The following CALN1 variants were observed in gnomAD, a reference collection of about 807,000 sequenced individuals.
CALN1 encodes the protein calcium-binding protein 8.
CALN1 carries 17 observed loss-of-function variants against 30.6 expected under a neutral mutation model. The observed-to-expected ratio is 0.56, with a 90% CI of 0.38 to 0.83. The LOEUF (loss-of-function observed/expected upper bound fraction) is 0.83, where lower values mean the gene tolerates loss of function less well. CALN1 is among the 40% of genes least tolerant of loss of function. CALN1 has a pLI of 0.00. For synonymous variants in CALN1, 156 were observed against 131.4 expected (o/e 1.19, Z -1.28); for missense variants, 291 against 354.9 (o/e 0.82, Z 1.45).
chr7:71,852,950 T>C (rs1790735121), intron 5 of CALN1, among the ~76,000 whole-genome samples: 1 of 152,244 alleles, frequency 6.6e-6, no homozygotes, highest in South Asian at 2.1e-4. Flanking sequence ...AAAATATATT[T>C]AATATATTCT....
At chr7:72,101,121 G>T (rs949453183) in intron 4 of CALN1, among the ~76,000 whole-genome samples, 2 of 151,860 alleles carry the variant, frequency 1.3e-5, no homozygotes, top group Admixed American at 6.6e-5. Flanking sequence ...ATGGTACCAT[G>T]CCTGGCTAAT....
At chr7:72,048,698 C>T (rs548414451) in intron 4 of CALN1, among the ~76,000 whole-genome samples, 2 of 150,522 alleles carry the variant, frequency 1.3e-5, no homozygotes, top group South Asian at 4.2e-4. Flanking sequence ...TCCCCTTCTT[C>T]CTCCCTTCTT....
intron 6 of CALN1, among the ~76,000 whole-genome samples, chr7:71,790,368 AAAAGAAAGAAAGAAAGAAAGAAAG>A (rs66616944): frequency 0.017 from 2,044 of 123,744 alleles, 73 homozygotes; most frequent in Admixed American, 0.084. Context: ...AGAAAGAAAG[AAAAGAAAGAAAGAAAGAAAGAAAG>A]AAAGAAAGAA....
At chr7:72,304,312 T>C (rs535273955) in intron 2 of CALN1, among the ~76,000 whole-genome samples, 2 of 152,074 alleles carry the variant, frequency 1.3e-5, no homozygotes, top group African/African-American at 2.4e-5. Context: ...GATGGAGAGA[T>C]CCCATTTCAA....
At chr7:72,161,179 G>A (rs1217784720) in intron 3 of CALN1, among the ~76,000 whole-genome samples, 1 of 152,194 alleles carries the variant, frequency 6.6e-6, no homozygotes, top group Non-Finnish European at 1.5e-5. Context: ...ATAAGAGGAT[G>A]ACATAAGGAG....
At chr7:72,061,503 A>T (rs1417260428) in intron 4 of CALN1, among the ~76,000 whole-genome samples, 2 of 152,088 alleles carry the variant, frequency 1.3e-5, no homozygotes, top group South Asian at 2.1e-4. Flanking sequence ...ACAAGACTAC[A>T]ATGAAAATTT....
At chr7:72,108,720 G>A (rs1330732494) in intron 3 of CALN1, among the ~76,000 whole-genome samples, 1 of 152,118 alleles carries the variant, frequency 6.6e-6, no homozygotes, top group Non-Finnish European at 1.5e-5. Context: ...GTGATGGCTG[G>A]GGGCATCCAC....
chr7:72,048,879 C>G (rs1802657254), intron 4 of CALN1, among the ~76,000 whole-genome samples: 1 of 151,914 alleles, frequency 6.6e-6, no homozygotes, highest in South Asian at 2.1e-4. Context: ...ATGATTATAG[C>G]TCTCTGCAGC....
chr7:71,941,167 T>G (rs935364632), intron 5 of CALN1, among the ~76,000 whole-genome samples: 7 of 150,626 alleles, frequency 4.6e-5, no homozygotes, highest in African/African-American at 1.2e-4. Flanking sequence ...GCCAACATGG[T>G]GAAAACCCAT....
chr7:72,451,339 G>A (rs190430787), upstream of CALN1, among the ~76,000 whole-genome samples: 6 of 143,978 alleles, frequency 4.2e-5, no homozygotes, highest in East Asian at 1.2e-3. Flanking sequence ...AGAAAGAGGA[G>A]GAGGGAGAAG....
chr7:72,326,068 A>C (rs1479683888), intron 2 of CALN1, among the ~76,000 whole-genome samples: 1 of 152,026 alleles, frequency 6.6e-6, no homozygotes, highest in Non-Finnish European at 1.5e-5. Context: ...ACGCCTGGCT[A>C]AATTTTGTAT....
At chr7:71,806,728 C>CA (rs1259246269) in intron 6 of CALN1, among the ~76,000 whole-genome samples, 1 of 152,056 alleles carries the variant, frequency 6.6e-6, no homozygotes, top group Non-Finnish European at 1.5e-5. Flanking sequence ...GGACCCCCCC[C>CA]CAGGGAGCTG....
At chr7:72,447,978 G>GCACACA (rs4029788), upstream of CALN1, among the ~76,000 whole-genome samples, 2 of 142,688 alleles carry the variant, frequency 1.4e-5, no homozygotes, top group Non-Finnish European at 3.1e-5. Context: ...GCCTGCCCAT[G>GCACACA]CACACACACA....
chr7:71,870,985 TG>T (rs1791890527), intron 5 of CALN1, among the ~76,000 whole-genome samples: 1 of 152,044 alleles, frequency 6.6e-6, no homozygotes, highest in Admixed American at 6.6e-5. Context: ...CCTTCTGTTT[TG>T]GGGATTTCTG....
chr7:72,320,828 C>G (rs1800821543), intron 2 of CALN1, among the ~76,000 whole-genome samples: 1 of 109,548 alleles, frequency 9.1e-6, no homozygotes, highest in Non-Finnish European at 1.9e-5. Flanking sequence ...GAGCGAGACT[C>G]CATCTCAAAA....
intron 2 of CALN1, among the ~76,000 whole-genome samples, chr7:72,397,484 G>A (rs1356693636): frequency 6.6e-6 from 1 of 152,132 alleles, no homozygotes; most frequent in Non-Finnish European, 1.5e-5. Context: ...AGGACTTGCA[G>A]CAGATATAAG....
intron 3 of CALN1, among the ~76,000 whole-genome samples, chr7:72,244,681 C>T (rs567980925): frequency 6.6e-6 from 1 of 150,926 alleles, no homozygotes; most frequent in African/African-American, 2.4e-5. Flanking sequence ...TGAGTAGGAA[C>T]TCAGCAGGTG....
chr7:71,922,681 A>ATATATAAATATATAACATACAGAATATAT (rs1562903161), intron 5 of CALN1, among the ~76,000 whole-genome samples: 17 of 138,786 alleles, frequency 1.2e-4, no homozygotes, highest in South Asian at 2.2e-4. Flanking sequence ...AGAATATATT[A>ATATATAAATATATAACATACAGAATATAT]TATATAAATA....
chr7:72,038,758 C>T (rs190302704), intron 4 of CALN1, among the ~76,000 whole-genome samples: 4 of 152,180 alleles, frequency 2.6e-5, no homozygotes, highest in African/African-American at 4.8e-5. Context: ...CACTGCTACA[C>T]TCCCACCAGT....
Sources: gnomAD v4.1 joint callset for allele counts (sites outside exome capture counted in the v4.1 genomes callset) on GRCh38, gnomAD v4.1.1 for gene constraint, MANE v1.5 for transcripts, NCBI Gene and HGNC (gene_info 2026-07-23, HGNC 2026-07-21) for gene names.